The following TRUB1 variants were observed in gnomAD, a reference collection of about 807,000 sequenced individuals.
TRUB1 encodes the protein TruB pseudouridine synthase family member 1.
A neutral mutation model predicts 33.9 loss-of-function variants in TRUB1; 23 were observed. The ratio of observed to expected loss-of-function variants is 0.68; its 90% CI spans 0.49 to 0.96. TRUB1 has a LOEUF of 0.96. Ranked by LOEUF, TRUB1 falls within the 40% of genes least tolerant of loss-of-function variation. The pLI, the probability that TRUB1 is intolerant of heterozygous loss-of-function variation, is 0.00. For missense variants in TRUB1, 378 were observed against 422.2 expected (o/e 0.90, Z 0.92); for synonymous variants, 163 against 165.4 (o/e 0.99, Z 0.11).
intron 3 of TRUB1, among the ~76,000 whole-genome samples, chr10:114,952,835 T>G (rs2084243079): frequency 6.6e-6 from 1 of 152,228 alleles, no homozygotes; most frequent in Non-Finnish European, 1.5e-5. Context: ...TACTGGTTTT[T>G]GCCAGTTGTT....
chr10:114,953,157 C>G (rs1304812595), intron 3 of TRUB1, among the ~76,000 whole-genome samples: 1 of 152,082 alleles, frequency 6.6e-6, no homozygotes, highest in Non-Finnish European at 1.5e-5. Context: ...AATATTATGA[C>G]TGAAAATGTA....
intron 3 of TRUB1, among the ~76,000 whole-genome samples, chr10:114,955,066 AC>A (rs1291611337): frequency 6.6e-6 from 1 of 152,230 alleles, no homozygotes; most frequent in African/African-American, 2.4e-5. Context: ...ATATTAAATG[AC>A]AGATAGATGG....
rs1252124331 is a variant in TRUB1, at chr10:114,959,808, G to A, written c.523+1G>A. The A allele has an allele frequency of 3.8e-6, 6 of 1,585,932 alleles. No individual in the cohort carries two copies. In the Admixed American group the frequency reaches 6.7e-5, roughly 18 times the overall value. ...AGGGTAACAGAAGAAAAACCTTACG[G>A]TATGAAGCTCATCTAATGTAGGCCT... On this transcript the variant is annotated splice_donor_variant, in intron 4 of 7. Coordinates refer to ENST00000298746, the MANE Select transcript of TRUB1 (RefSeq NM_139169.5). LOFTEE classifies it high-confidence loss of function.
At chr10:114,969,051 A>T (rs1002411954) in intron 4 of TRUB1, among the ~76,000 whole-genome samples, 2 of 152,006 alleles carry the variant, frequency 1.3e-5, no homozygotes, top group African/African-American at 4.8e-5. Context: ...GACATCTTTG[A>T]GTATGAAAAT....
chr10:114,975,945 A>G lies in TRUB1; in HGVS notation c.*566A>G, dbSNP rs1401398649. On this transcript the variant is annotated 3_prime_UTR_variant, in exon 8 of 8. Coordinates refer to ENST00000298746, the MANE Select transcript of TRUB1 (RefSeq NM_139169.5). ...ACCTGTGTTTGTTTAGATCTTGGAA[A>G]TGAATAAGCTTTGATAATATTTGTA... The G allele has an allele frequency of 6.6e-6, 1 of 152,430 alleles. No homozygotes were observed. Among genetic ancestry groups the G allele is most frequent in the African/African-American group, 2.4e-5 (1 of 41,432 alleles). The allele number at this position is 152,430 out of a possible 1,614,324, so 9.4% of individuals were successfully genotyped here.
At chr10:114,948,943 T>C (rs997512818) in intron 2 of TRUB1, among the ~76,000 whole-genome samples, 4 of 152,346 alleles carry the variant, frequency 2.6e-5, no homozygotes, top group African/African-American at 9.6e-5. Flanking sequence ...TCCCTATACA[T>C]CCTTCAAAGG....
chr10:114,974,257 G>GTGCATA (rs2084350023), intron 6 of TRUB1, 72 bp from the exon 7 acceptor site: 6 of 1,109,896 alleles, frequency 5.4e-6, no homozygotes, highest in Non-Finnish European at 5.4e-6. Flanking sequence ...CATTTGTTTA[G>GTGCATA]GGACATCATT....
Position 114,975,475 on chromosome 10 carries a change from C to CT in TRUB1, c.*108dup, listed in dbSNP as rs35714321. ...TGCATTCAAAAGACAAACAATATGT[C>CT]TTTTTTTTTTTTGCATGAAGAAAAA... On this transcript the variant is annotated 3_prime_UTR_variant, in exon 8 of 8. Transcript: ENST00000298746. 0.014 allele frequency: 14,132 copies of CT among 984,144 alleles called. 22 individuals carry two copies. The highest frequency in any genetic ancestry group is 0.035 in the African/African-American group (2,020 of 58,478). The allele number at this position is 984,144 out of a possible 1,614,324, so 61.0% of individuals were successfully genotyped here. A position where few individuals can be genotyped will look rare whatever the true frequency, so the allele number is the denominator to read the frequency against.
rs7903382 is a variant in TRUB1, at chr10:114,968,085, A to G, written c.524-2283A>G. 3.7e-3 allele frequency among the ~76,000 whole-genome samples: 567 copies of G among 151,978 alleles called. 1 individual carries two copies. The highest frequency in any genetic ancestry group is 0.012 in the African/African-American group (515 of 41,496). ...GGTGGGATAATACGTACGTGTGTGT[A>G]TGTGTGTGTGTGTAGAAATCAAATA... On this transcript the variant is annotated intron_variant, in intron 4 of 7. Coordinates refer to ENST00000298746, the MANE Select transcript of TRUB1 (RefSeq NM_139169.5).
At chr10:114,940,955 C>T (rs1052892073) in intron 1 of TRUB1, among the ~76,000 whole-genome samples, 1 of 152,124 alleles carries the variant, frequency 6.6e-6, no homozygotes, top group Non-Finnish European at 1.5e-5. Context: ...TTCCAGAGAC[C>T]ATGGTTCTGA....
intron 3 of TRUB1, among the ~76,000 whole-genome samples, chr10:114,958,611 G>A (rs1446116644): frequency 6.6e-6 from 1 of 152,130 alleles, no homozygotes; most frequent in Non-Finnish European, 1.5e-5. Context: ...TATTTTCAGT[G>A]GGAAATAAAG....
rs537950680 is a variant in TRUB1 at position 114,957,945 on chromosome 10, A to C, written c.442-1781A>C. On this transcript the variant is annotated intron_variant, in intron 3 of 7. Coordinates refer to ENST00000298746, the MANE Select transcript of TRUB1 (RefSeq NM_139169.5). The stretch of plus-strand genomic sequence containing the variant: ...TCAACTCTAGCCACTGTTAACTGCG[A>C]ATCATTCTGTATTTTCTTTCTTAGA... 3.9e-5 allele frequency among the ~76,000 whole-genome samples: 6 copies of C among 152,348 alleles called. No individual in the cohort carries two copies. In the East Asian group the frequency reaches 1.2e-3, roughly 29 times the overall value.
intron 1 of TRUB1, among the ~76,000 whole-genome samples, chr10:114,941,846 G>A (rs539654554): frequency 3.9e-5 from 6 of 151,938 alleles, no homozygotes; most frequent in Non-Finnish European, 7.4e-5. Flanking sequence ...GTGCAGTGGC[G>A]TGATCTTGGC....
chr10:114,970,367 GATAAA>G lies in TRUB1; in HGVS notation c.528_532del (p.Lys176AsnfsTer6), dbSNP rs1462705084. 5 of 1,604,794 alleles carry G rather than the reference GATAAA, an allele frequency of 3.1e-6. No individual in the cohort carries two copies. The highest frequency in any genetic ancestry group is 1.3e-5 in the African/African-American group (1 of 74,634). ...GTGTCTTTTTTGTTGATTTTTGGCA[GATAAA>G]ATAACACAAGAAGATATTGAAGGCA... On this transcript the variant is annotated frameshift_variant and splice_region_variant, in exon 5 of 8. Coordinates refer to ENST00000298746, the MANE Select transcript of TRUB1 (RefSeq NM_139169.5). LOFTEE classifies it high-confidence loss of function.
intron 2 of TRUB1, among the ~76,000 whole-genome samples, chr10:114,950,782 A>G (rs1453702364): frequency 2.0e-5 from 3 of 152,224 alleles, no homozygotes; most frequent in African/African-American, 7.2e-5. Context: ...ACTGGTGCCC[A>G]TATAAAATTC....
intron 3 of TRUB1, among the ~76,000 whole-genome samples, chr10:114,956,382 C>T (rs2084261875): frequency 6.6e-6 from 1 of 152,150 alleles, no homozygotes. Flanking sequence ...TTTTAGACTC[C>T]ATAAGATAAA....
chr10:114,964,557 T>C (rs2084298548), intron 4 of TRUB1, among the ~76,000 whole-genome samples: 1 of 152,174 alleles, frequency 6.6e-6, no homozygotes, highest in Non-Finnish European at 1.5e-5. Context: ...TCAGGCCTTC[T>C]CCTTTATGGT....
At chr10:114,970,308 T>A (rs1814187580) in intron 4 of TRUB1, 60 bp from the exon 5 acceptor site, 62 of 1,215,462 alleles carry the variant, frequency 5.1e-5, no homozygotes, top group Non-Finnish European at 7.3e-5. Context: ...GTTGGTGCTG[T>A]GAAAATAGTA....
Position 114,977,295 on chromosome 10 carries a change from T to C in TRUB1, c.*1916T>C, listed in dbSNP as rs367776095. ...GTCTTAAGGCACCTATACTTTTAAA[T>C]TGACTTTTTCATTTGATATTATCTA... On this transcript the variant is annotated 3_prime_UTR_variant, in exon 8 of 8. Transcript: ENST00000298746. 6.6e-6 allele frequency: 1 copy of C among 152,102 alleles called. No individual in the cohort carries two copies. Among genetic ancestry groups the C allele is most frequent in the African/African-American group, 2.4e-5 (1 of 41,452 alleles). 9.4% of individuals were successfully genotyped at this position (152,102 alleles called of 1,614,324 possible).
Sources: gnomAD v4.1 joint callset for allele counts (sites outside exome capture counted in the v4.1 genomes callset) on GRCh38, gnomAD v4.1.1 for gene constraint, MANE v1.5 for transcripts, NCBI Gene and HGNC (gene_info 2026-07-23, HGNC 2026-07-21) for gene names.